The following CHD9 variants were observed in gnomAD, a reference collection of about 807,000 sequenced individuals.
CHD9 encodes chromodomain helicase DNA binding protein 9.
A neutral mutation model predicts 316.1 loss-of-function variants in CHD9; 77 were observed. The observed-to-expected ratio is 0.24, with a 90% CI of 0.20 to 0.29. The LOEUF (loss-of-function observed/expected upper bound fraction) is 0.29. Ranked by LOEUF, CHD9 falls within the 10% of genes least tolerant of loss-of-function variation. The probability of loss-of-function intolerance (pLI) is 1.00; values close to 1 mark genes in which losing one functional copy is unlikely to be tolerated. For missense variants in CHD9, 2,763 were observed against 3,438.1 expected (o/e 0.80, Z 4.91); for synonymous variants, 1,129 against 1,158.3 (o/e 0.97, Z 0.51).
At chr16:53,062,202 G>T (rs1399749950) in intron 1 of CHD9, among the ~76,000 whole-genome samples, 1 of 152,200 alleles carries the variant, frequency 6.6e-6, no homozygotes, top group Non-Finnish European at 1.5e-5. Flanking sequence ...TCATTGGAAA[G>T]ACAGCAGTCC....
At chr16:53,202,346 A>G (rs779731846) in intron 2 of CHD9, among the ~76,000 whole-genome samples, 27 of 151,640 alleles carry the variant, frequency 1.8e-4, no homozygotes, top group Non-Finnish European at 2.4e-4. Flanking sequence ...ACCAAATGCA[A>G]TGCTCCACAT....
intron 1 of CHD9, among the ~76,000 whole-genome samples, chr16:53,055,668 T>TCCTCCTCCTATTCCTCCAGTTCGC (rs2032002724): frequency 6.6e-6 from 1 of 152,100 alleles, no homozygotes; most frequent in Non-Finnish European, 1.5e-5. Context: ...GATGATTCCC[T>TCCTCCTCCTATTCCTCCAGTTCGC]CCTCCTCCTA....
intron 19 of CHD9, among the ~76,000 whole-genome samples, chr16:53,258,459 A>G (rs1428933441): frequency 6.6e-6 from 1 of 152,156 alleles, no homozygotes; most frequent in Admixed American, 6.5e-5. Context: ...CATTTCCCAA[A>G]TAATTTGTTC....
intron 3 of CHD9, among the ~76,000 whole-genome samples, chr16:53,211,897 G>T (rs943677424): frequency 1.3e-5 from 2 of 152,118 alleles, no homozygotes; most frequent in African/African-American, 4.8e-5. Flanking sequence ...TTTGAATTTG[G>T]TGAGTTTTAA....
At chr16:53,056,491 A>G (rs2032136206) in intron 1 of CHD9, among the ~76,000 whole-genome samples, 1 of 152,240 alleles carries the variant, frequency 6.6e-6, no homozygotes, top group African/African-American at 2.4e-5. Context: ...ACTGAGGCTC[A>G]GAGAGGCCAA....
intron 1 of CHD9, chr16:53,131,369 C>T: frequency 1.8e-5 from 1 of 54,450 alleles, no homozygotes; most frequent in Non-Finnish European, 3.5e-5. Context: ...GAGGGGCAGG[C>T]GGGGCGGCGC....
At chr16:53,200,292 A>T (rs1371524201) in intron 2 of CHD9, among the ~76,000 whole-genome samples, 1 of 148,434 alleles carries the variant, frequency 6.7e-6, no homozygotes, top group Non-Finnish European at 1.5e-5. Context: ...AATTGCTTGA[A>T]CCCAGGAGGC....
chr16:53,136,366 T>C (rs78232159), intron 1 of CHD9, among the ~76,000 whole-genome samples: 2,134 of 152,256 alleles, frequency 0.014, 46 homozygotes, highest in African/African-American at 0.049. Flanking sequence ...TAAAGAATAT[T>C]CAATTTTATT....
At chr16:53,120,241 A>T (rs1250500529) in intron 1 of CHD9, among the ~76,000 whole-genome samples, 1 of 152,064 alleles carries the variant, frequency 6.6e-6, no homozygotes, top group Non-Finnish European at 1.5e-5. Context: ...CTAAAAAAAT[A>T]AAAATAAAAA....
intron 16 of CHD9, among the ~76,000 whole-genome samples, chr16:53,249,600 G>A (rs116066780): frequency 1.9e-3 from 287 of 152,258 alleles, no homozygotes; most frequent in African/African-American, 6.6e-3. Context: ...ACTGCCTTTT[G>A]TTATTCTAAC....
intron 37 of CHD9, 191 bp from the exon 38 acceptor site, chr16:53,321,335 A>G: frequency 7.3e-7 from 1 of 1,362,102 alleles, no homozygotes. Context: ...TTACATTATC[A>G]CATATTTATA....
At chr16:53,206,374 AC>A (rs1386085751) in intron 2 of CHD9, among the ~76,000 whole-genome samples, 99 of 79,900 alleles carry the variant, frequency 1.2e-3, no homozygotes, top group Non-Finnish European at 2.0e-3. Context: ...AAAAAAAAAA[AC>A]CATCCTAGCC....
chr16:53,285,015 C>T (rs2053745296), intron 24 of CHD9, among the ~76,000 whole-genome samples: 2 of 152,270 alleles, frequency 1.3e-5, no homozygotes, highest in African/African-American at 4.8e-5. Flanking sequence ...GATCTACCCG[C>T]CTCTGCCCCC....
chr16:53,196,755 A>T (rs539053564), intron 2 of CHD9, among the ~76,000 whole-genome samples: 1 of 152,208 alleles, frequency 6.6e-6, no homozygotes, highest in Non-Finnish European at 1.5e-5. Context: ...GATCAGATCC[A>T]ATCTAGGATT....
At chr16:53,199,593 C>T (rs2045255283) in intron 2 of CHD9, among the ~76,000 whole-genome samples, 1 of 152,126 alleles carries the variant, frequency 6.6e-6, no homozygotes, top group Admixed American at 6.5e-5. Flanking sequence ...TATTTCATCC[C>T]TGACTCTGCT....
At chr16:53,138,513 T>C (rs543064860) in intron 1 of CHD9, among the ~76,000 whole-genome samples, 6 of 152,312 alleles carry the variant, frequency 3.9e-5, no homozygotes, top group African/African-American at 1.4e-4. Context: ...TATGGTTTCA[T>C]AGAAGCAAAG....
At chr16:53,115,229 GA>G (rs1176365915) in intron 1 of CHD9, among the ~76,000 whole-genome samples, 3 of 152,150 alleles carry the variant, frequency 2.0e-5, no homozygotes, top group Non-Finnish European at 1.5e-5. Flanking sequence ...CAACCTAGAT[GA>G]CCTAAGAAGG....
chr16:53,106,714 A>G (rs1411391746), intron 1 of CHD9, among the ~76,000 whole-genome samples: 2 of 152,148 alleles, frequency 1.3e-5, no homozygotes, highest in Non-Finnish European at 1.5e-5. Context: ...TATAGTGCAG[A>G]ATCTAGCATC....
At chr16:53,222,849 G>A (rs574901090) in intron 4 of CHD9, 94 bp downstream of exon 4, 57 of 608,006 alleles carry the variant, frequency 9.4e-5, no homozygotes, top group Non-Finnish European at 1.3e-4. Flanking sequence ...TTAGTTAGAA[G>A]TAAAAATACA....
Sources: gnomAD v4.1 joint callset for allele counts (sites outside exome capture counted in the v4.1 genomes callset) on GRCh38, gnomAD v4.1.1 for gene constraint, MANE v1.5 for transcripts, NCBI Gene and HGNC (gene_info 2026-07-23, HGNC 2026-07-21) for gene names.